Variants in KIF1B observed in about 807,000 individuals in gnomAD.
The protein encoded by KIF1B is kinesin family member 1B, also known as kinesin-like protein KIF1B.
A neutral mutation model predicts 241.9 loss-of-function variants in KIF1B; 76 were observed. The ratio of observed to expected loss-of-function variants is 0.31; its 90% CI spans 0.26 to 0.38. KIF1B has a LOEUF of 0.38. Ranked by LOEUF, KIF1B falls within the 10% of genes least tolerant of loss-of-function variation. The probability of loss-of-function intolerance (pLI) is 1.00; values close to 1 mark genes in which losing one functional copy is unlikely to be tolerated. For missense variants in KIF1B, 1,622 were observed against 2,271.4 expected, an observed-to-expected ratio of 0.71 and a Z score of 5.81; for synonymous variants, 750 against 796.7, an observed-to-expected ratio of 0.94 and a Z score of 0.99.
At chr1:10,234,185 A>G (rs1647018638) in intron 2 of KIF1B, among the ~76,000 whole-genome samples, 1 of 151,390 alleles carries the variant, frequency 6.6e-6, no homozygotes, top group Non-Finnish European at 1.5e-5. Flanking sequence ...TCACAGAGTT[A>G]TACCATGGGA....
chr1:10,291,978 C>T, intron 16 of KIF1B, 69 bp from the exon 17 acceptor site: 1 of 1,346,858 alleles, frequency 7.4e-7, no homozygotes, highest in Non-Finnish European at 1.1e-6. Context: ...CTTTATTTTC[C>T]AATTCATATT....
chr1:10,320,471 CTTTG>C (rs2102294607), intron 23 of KIF1B, among the ~76,000 whole-genome samples: 1 of 152,224 alleles, frequency 6.6e-6, no homozygotes, highest in African/African-American at 2.4e-5. Context: ...AGAGCTGAAT[CTTTG>C]TTAAGACAGT....
intron 44 of KIF1B, among the ~76,000 whole-genome samples, chr1:10,370,275 G>C (rs1638692239): frequency 6.6e-6 from 1 of 151,840 alleles, no homozygotes; most frequent in Non-Finnish European, 1.5e-5. Flanking sequence ...AGATAATGCA[G>C]GAGAGGCCAG....
intron 36 of KIF1B, 72 bp from the exon 37 acceptor site, chr1:10,348,577 G>T: frequency 8.6e-7 from 1 of 1,157,002 alleles, no homozygotes; most frequent in Non-Finnish European, 1.3e-6. Context: ...ATGCCATACA[G>T]GCCAGAAAAC....
Position 10,345,831 on chromosome 1 carries a change from A to AATT in KIF1B, c.3689-13_3689-12insTTA. ...TTGGACCAGATTTTGACATACTCTA[A>AATT]AAACTTTTAAAAGTTCCAGCCACCA... is the stretch of plus-strand genomic sequence containing the variant. On this transcript the variant is annotated splice_polypyrimidine_tract_variant and intron_variant, in intron 34 of 48. Transcript: ENST00000676179. The AATT allele has an allele frequency of 1.2e-6, 2 of 1,609,642 alleles. No individual in the cohort carries two copies. Among genetic ancestry groups the AATT allele is most frequent in the Non-Finnish European group, 1.7e-6 (2 of 1,176,098 alleles).
intron 43 of KIF1B, among the ~76,000 whole-genome samples, chr1:10,367,538 ATT>A (rs111301088): frequency 1.1e-4 from 16 of 143,370 alleles, no homozygotes; most frequent in East Asian, 4.2e-4. Flanking sequence ...TCTTTATTAA[ATT>A]TTTTTTTTTT....
chr1:10,213,430 T>G (rs1646723007), intron 1 of KIF1B, among the ~76,000 whole-genome samples: 1 of 152,178 alleles, frequency 6.6e-6, no homozygotes, highest in Non-Finnish European at 1.5e-5. Flanking sequence ...GTGCAGGGAA[T>G]AAGTGTCCAA....
rs182750576 is a variant in KIF1B, at chr1:10,344,488, C to A, written c.3688+1201C>A. ...GCAGCTTCTCTACATGTGCCTCTTT[C>A]ACATCACCATCGCAGTGGGGGAGGC... On this transcript the variant is annotated intron_variant, in intron 34 of 48. Transcript: ENST00000676179. 2.0e-5 allele frequency among the ~76,000 whole-genome samples: 3 copies of A among 152,314 alleles called. No homozygotes were observed. The East Asian group carries it at 5.8e-4, about 29-fold the overall frequency.
chr1:10,355,177 A>T (rs1652931402), intron 38 of KIF1B, among the ~76,000 whole-genome samples: 1 of 152,182 alleles, frequency 6.6e-6, no homozygotes, highest in African/African-American at 2.4e-5. Flanking sequence ...GTCTCAGGAG[A>T]GGGACCCATG....
At chr1:10,325,222 C>T (rs1297254023) in intron 26 of KIF1B, among the ~76,000 whole-genome samples, 1 of 152,170 alleles carries the variant, frequency 6.6e-6, no homozygotes, top group Non-Finnish European at 1.5e-5. Context: ...AGTTTAAATT[C>T]ATAGTACAGC....
rs891097097 is a variant in KIF1B at position 10,244,732 on chromosome 1, C to T, written c.107-11515C>T. ...GGTTCACGCCATTCTCCTGCCTCGG[C>T]CTCCCGAGTAGCTGGGACTACAGGC... On this transcript the variant is annotated intron_variant, in intron 2 of 48. Transcript: ENST00000676179. 3.9e-5 allele frequency among the ~76,000 whole-genome samples: 6 copies of T among 151,968 alleles called. No homozygotes were observed. The South Asian group carries it at 6.2e-4, about 16-fold the overall frequency.
intron 22 of KIF1B, chr1:10,298,819 G>A (rs1312234244): frequency 6.6e-6 from 1 of 151,972 alleles, no homozygotes; most frequent in African/African-American, 2.4e-5. Context: ...GTTTACTTAT[G>A]CATATGTATA....
At chr1:10,315,794 G>A (rs1434680197) in intron 22 of KIF1B, among the ~76,000 whole-genome samples, 3 of 151,196 alleles carry the variant, frequency 2.0e-5, no homozygotes, top group Non-Finnish European at 4.4e-5. Context: ...AGTGGCTCAC[G>A]CCTCTAATCC....
chr1:10,223,011 T>C (rs983422217), intron 1 of KIF1B, among the ~76,000 whole-genome samples: 2 of 152,212 alleles, frequency 1.3e-5, no homozygotes, highest in Non-Finnish European at 2.9e-5. Flanking sequence ...CCCAGCACTT[T>C]GGGAGGCCGA....
chr1:10,267,244 C>T (rs923919523), intron 5 of KIF1B, 136 bp from the exon 6 acceptor site: 7 of 705,972 alleles, frequency 9.9e-6, no homozygotes, highest in Non-Finnish European at 1.5e-5. Context: ...GTCTCGAACT[C>T]GTAGTTCGAG....
chr1:10,275,261 C>T (rs188736308), intron 10 of KIF1B, among the ~76,000 whole-genome samples, 167 bp from the exon 11 acceptor site: 15 of 152,186 alleles, frequency 9.9e-5, no homozygotes, highest in Admixed American at 2.6e-4. Context: ...TACCTTGTTG[C>T]GTGAGTTTTT....
chr1:10,244,574 A>T (rs1313030652), intron 2 of KIF1B, among the ~76,000 whole-genome samples: 2 of 148,886 alleles, frequency 1.3e-5, no homozygotes, highest in Admixed American at 6.7e-5. Flanking sequence ...AGCCTCCCAA[A>T]GTGCTGGGAT....
At chr1:10,306,189 A>C (rs933894715) in intron 22 of KIF1B, 15 of 1,039,366 alleles carry the variant, frequency 1.4e-5, no homozygotes, top group Non-Finnish European at 1.7e-5. Flanking sequence ...GCTTTGAGAG[A>C]TATTTTTGCT....
At position 10,291,048 on chromosome 1, in the gene KIF1B, CTT is replaced by C. The variant is rs563394234; in HGVS notation, c.1435-32_1435-31del. ...GCATGGTATGTTAAATTATAAGACT[CTT>C]TGCCTCTTTAACTGTGCGCTTCCTT... On this transcript the variant is annotated intron_variant, in intron 15 of 48. Coordinates refer to ENST00000676179, the MANE Select transcript of KIF1B (RefSeq NM_001365951.3). The C allele has an allele frequency of 3.6e-4, 557 of 1,541,564 alleles. 2 individuals carry two copies. In the African/African-American group the frequency reaches 6.7e-3, roughly 19 times the overall value.
Sources: allele counts gnomAD v4.1 joint callset (sites outside exome capture counted in the v4.1 genomes callset), GRCh38; gene constraint gnomAD v4.1.1; transcripts MANE v1.5; gene names NCBI Gene and HGNC (gene_info 2026-07-23, HGNC 2026-07-21).